The following FREM1 variants were observed in gnomAD, a reference collection of about 807,000 sequenced individuals.
The protein encoded by FREM1 is FRAS1-related extracellular matrix protein 1.
A neutral mutation model predicts 210.1 loss-of-function variants in FREM1; 220 were observed. The observed-to-expected ratio is 1.05, with a 90% CI of 0.94 to 1.17. The LOEUF (loss-of-function observed/expected upper bound fraction) is 1.17. Among genes scored for constraint, FREM1 ranks in the 50% most tolerant of loss-of-function variants. The pLI is 0.00. For missense variants in FREM1, 3,454 were observed against 2,675.5 expected, an observed-to-expected ratio of 1.29 and a Z score of -6.42; for synonymous variants, 1,189 against 980.2, an observed-to-expected ratio of 1.21 and a Z score of -3.98.
chr9:14,845,872 G>C (rs915563377), intron 8 of FREM1, 88 bp downstream of exon 8: 57 of 1,335,010 alleles, frequency 4.3e-5, no homozygotes, highest in Non-Finnish European at 5.8e-5. Context: ...TTGGGCCCAA[G>C]AGATGCTACA....
Position 14,861,270 on chromosome 9 carries a change from C to T in FREM1, c.330-1786G>A, listed in dbSNP as rs868865329. ...ATATATACATATATACACATATACA[C>T]ATATATACATATATACATATATACA... On this transcript the variant is annotated intron_variant, in intron 3 of 36. Transcript: ENST00000380880. 7.6e-5 allele frequency among the ~76,000 whole-genome samples: 6 copies of T among 79,366 alleles called. 1 individual carries two copies. Among genetic ancestry groups the T allele is most frequent in the Admixed American group, 3.9e-4 (3 of 7,608 alleles). The allele number at this position is 79,366 out of a possible 152,430, so 52.1% of individuals were successfully genotyped here.
chr9:14,801,940 T>G, intron 19 of FREM1, 66 bp from the exon 20 acceptor site: 1 of 1,208,310 alleles, frequency 8.3e-7, no homozygotes, highest in Non-Finnish European at 1.2e-6. Flanking sequence ...TTTGGAAAAC[T>G]GCTTAAAGAA....
chr9:14,756,568 G>T, intron 28 of FREM1, 122 bp from the exon 29 acceptor site: 1 of 646,464 alleles, frequency 1.5e-6, no homozygotes. Context: ...TATTAGGTAG[G>T]GTTTTTAAAA....
intron 1 of FREM1, among the ~76,000 whole-genome samples, chr9:14,886,148 A>G (rs1242015846): frequency 1.3e-5 from 2 of 152,168 alleles, no homozygotes; most frequent in African/African-American, 4.8e-5. Flanking sequence ...GCACTTTGGG[A>G]GACCAAGGTG....
chr9:14,874,607 T>C (rs891460724), intron 1 of FREM1, among the ~76,000 whole-genome samples: 15 of 151,970 alleles, frequency 9.9e-5, no homozygotes, highest in African/African-American at 3.4e-4. Context: ...CTGATGGTTC[T>C]TGACTCTTTA....
In FREM1 at chr9:14,829,573, T is replaced by C. The variant is rs529214656; in HGVS notation, c.1882-4581A>G. On this transcript the variant is annotated intron_variant, in intron 10 of 36. Transcript: ENST00000380880. ...TATAAAAGGGCTTGAGGCTGCAAGT[T>C]CAAGCTCTTGCTCTCTTCTCATCCA... 3.9e-5 allele frequency among the ~76,000 whole-genome samples: 6 copies of C among 152,294 alleles called. No homozygotes were observed. The South Asian group carries it at 8.3e-4, about 21-fold the overall frequency.
At position 14,750,093 on chromosome 9, in the gene FREM1, G is replaced by C. The variant is rs183565231; in HGVS notation, c.5557+34C>G. Reference sequence around the variant, plus strand: ...AGGCAAGAGCTACAGCGCCAGGACCGCTCCTGATTTCAAGATGAGGATCAA... The same window carrying C: ...AGGCAAGAGCTACAGCGCCAGGACCCCTCCTGATTTCAAGATGAGGATCAA... On this transcript the variant is annotated intron_variant, in intron 30 of 36. Transcript: ENST00000380880. The C allele has an allele frequency of 3.7e-6, 6 of 1,608,960 alleles. No individual in the cohort carries two copies. In the Admixed American group the frequency reaches 8.5e-5, roughly 23 times the overall value.
At chr9:14,832,523 T>G (rs1416667362) in intron 10 of FREM1, among the ~76,000 whole-genome samples, 1 of 152,224 alleles carries the variant, frequency 6.6e-6, no homozygotes, top group Non-Finnish European at 1.5e-5. Context: ...AGGCAATACC[T>G]CTTAACAACC....
In FREM1 at chr9:14,776,106, C is replaced by T. The variant is rs267602183; in HGVS notation, c.4540G>A (p.Gly1514Arg). The stretch of plus-strand genomic sequence containing the variant: ...ACGGCCCCTTGGGCCAGTCTCAACC[C>T]CTTGTTCCTGGTTACCACAGGCAGG... ...RALPVVTRNK[G>R]LRLAQGAVGL... The change falls in exon 25 of 37, where the codon GGG (glycine) becomes AGG (arginine). Residue 1514 changes from glycine (G) to arginine (R), a missense_variant. Coordinates refer to ENST00000380880, the MANE Select transcript of FREM1 (RefSeq NM_001379081.2). 1.2e-6 allele frequency: 2 copies of T among 1,604,226 alleles called. No individual in the cohort carries two copies. The highest frequency in any genetic ancestry group is 2.2e-5 in the East Asian group (1 of 44,722).
At position 14,813,011 on chromosome 9, in the gene FREM1, G is replaced by A. The variant is rs1563988142; in HGVS notation, c.2694C>T (p.Val898=). Reference sequence around the variant, plus strand: ...CCTCTCCTCCCTCTGAGCAATTCATGACAGGCATGAGGTCAGCCTTTAAGA... The same window carrying A: ...CCTCTCCTCCCTCTGAGCAATTCATAACAGGCATGAGGTCAGCCTTTAAGA... The part of the protein sequence containing the change: ...PPVLKADLMP[V]MNCSEGGEVV... The change falls in exon 16 of 37, where the codon GTC becomes GTT. Residue 898 remains valine (V), a synonymous_variant. Transcript: ENST00000380880. 6.2e-7 allele frequency: 1 copy of A among 1,613,872 alleles called. No individual in the cohort carries two copies. The highest frequency in any genetic ancestry group is 8.5e-7 in the Non-Finnish European group (1 of 1,179,810).
chr9:14,798,875 T>C (rs952461209), intron 20 of FREM1, among the ~76,000 whole-genome samples: 1 of 152,064 alleles, frequency 6.6e-6, no homozygotes, highest in Non-Finnish European at 1.5e-5. Flanking sequence ...GGTTTTGCCA[T>C]GTTGGCCAGG....
At chr9:14,895,632 G>GA (rs1837574572) in intron 1 of FREM1, among the ~76,000 whole-genome samples, 1 of 151,850 alleles carries the variant, frequency 6.6e-6, no homozygotes, top group Non-Finnish European at 1.5e-5. Flanking sequence ...TACTGTTGTG[G>GA]AATATATTGC....
chr9:14,845,987 G>T lies in FREM1; in HGVS notation c.1366C>A (p.Leu456Met). ...GAVRLVTVGG[L>M]QHGWLTLRGG... ...CTTAAAGTCAGCCATCCATGCTGCA[G>T]GCCACCAACGGTGACTAGCCGGACA... Residue 456 changes from leucine to methionine, a missense_variant, in exon 8 of 37, where the codon CTG becomes ATG. Coordinates refer to ENST00000380880, the MANE Select transcript of FREM1 (RefSeq NM_001379081.2). 1 of 1,613,544 alleles carries T rather than the reference G, an allele frequency of 6.2e-7. No individual in the cohort carries two copies. Among genetic ancestry groups the T allele is most frequent in the Non-Finnish European group, 8.5e-7 (1 of 1,179,700 alleles).
chr9:14,811,592 G>A (rs1330140924), intron 16 of FREM1, among the ~76,000 whole-genome samples: 2 of 152,196 alleles, frequency 1.3e-5, no homozygotes, highest in South Asian at 2.1e-4. Context: ...ACTAAACACA[G>A]ATAAGAGGAT....
chr9:14,892,270 G>A (rs377065875), intron 1 of FREM1, among the ~76,000 whole-genome samples: 3 of 152,166 alleles, frequency 2.0e-5, no homozygotes, highest in African/African-American at 7.2e-5. Flanking sequence ...TGATACTGAA[G>A]AGGCTTCCAA....
At chr9:14,882,927 A>AAAAAAAAAAAAAAAAAAG in intron 1 of FREM1, among the ~76,000 whole-genome samples, 1 of 150,156 alleles carries the variant, frequency 6.7e-6, no homozygotes, top group African/African-American at 2.4e-5. Context: ...AAAAAAAAAA[A>AAAAAAAAAAAAAAAAAAG]AGGAATCACC....
intron 10 of FREM1, among the ~76,000 whole-genome samples, chr9:14,833,205 A>G (rs1823904945): frequency 6.6e-6 from 1 of 152,090 alleles, no homozygotes; most frequent in Admixed American, 6.5e-5. Flanking sequence ...TATCTTAAGC[A>G]CTGATCTTAA....
intron 1 of FREM1, among the ~76,000 whole-genome samples, chr9:14,908,630 A>T (rs1818210286): frequency 6.6e-6 from 1 of 152,228 alleles, no homozygotes; most frequent in Non-Finnish European, 1.5e-5. Context: ...ACCATGTTGC[A>T]CATTAAGTTA....
intron 1 of FREM1, among the ~76,000 whole-genome samples, chr9:14,883,849 A>C (rs7048511): frequency 1.3e-5 from 2 of 152,052 alleles, no homozygotes; most frequent in African/African-American, 4.8e-5. Context: ...GGGCACCCTC[A>C]GGGTCGGCAG....
Sources: allele counts gnomAD v4.1 joint callset (sites outside exome capture counted in the v4.1 genomes callset), GRCh38; gene constraint gnomAD v4.1.1; transcripts MANE v1.5; gene names NCBI Gene and HGNC (gene_info 2026-07-23, HGNC 2026-07-21).